PEX14: variants seen among roughly 807,000 people sequenced by gnomAD.
PEX14 encodes peroxisomal biogenesis factor 14.
In PEX14, 15 loss-of-function variants were observed where a neutral mutation model predicts 49.5. The observed-to-expected ratio is 0.30, with a 90% confidence interval of 0.20 to 0.47. PEX14 has a LOEUF of 0.47. Among genes scored for constraint, PEX14 ranks in the 20% least tolerant of loss-of-function variants. The pLI is 1.00. For missense variants in PEX14, 398 were observed against 494.8 expected, an observed-to-expected ratio of 0.80 and a Z score of 1.86; for synonymous variants, 210 against 212.7, an observed-to-expected ratio of 0.99 and a Z score of 0.11.
Position 10,627,274 on chromosome 1 carries a change from C to T in PEX14, c.588C>T (p.Ala196=). The T allele has an allele frequency of 1.2e-6, 2 of 1,612,506 alleles. No individual in the cohort carries two copies. Among genetic ancestry groups the T allele is most frequent in the Non-Finnish European group, 8.5e-7 (1 of 1,178,768 alleles). ...GCCTCCCTGTGCTCTGCTTTCAGGC[C>T]ACCACATCCACCAACTGGATCCTGG... ...ELAHELAAAK[A]TTSTNWILES... is the part of the protein sequence containing the mutation. Residue 196 remains alanine (A), a splice_region_variant and synonymous_variant, in exon 8 of 9, where the codon GCC becomes GCT. Coordinates refer to ENST00000356607, the MANE Select transcript of PEX14 (RefSeq NM_004565.3).
At chr1:10,624,264 C>T (rs558226128) in intron 6 of PEX14, 76 bp from the exon 7 acceptor site, 22 of 923,356 alleles carry the variant, frequency 2.4e-5, no homozygotes, top group Middle Eastern at 4.3e-4. Flanking sequence ...CGGGCAGCTC[C>T]GAGGTGTGCG....
intron 3 of PEX14, 199 bp downstream of exon 3, chr1:10,536,496 T>G: frequency 1.7e-6 from 1 of 601,506 alleles, no homozygotes. Context: ...GATGACACGA[T>G]TCGGGTAATT....
intron 3 of PEX14, among the ~76,000 whole-genome samples, chr1:10,596,643 T>C (rs1640840920): frequency 6.6e-6 from 1 of 152,144 alleles, no homozygotes; most frequent in Non-Finnish European, 1.5e-5. Context: ...TCTCTACAAG[T>C]AGGATGTGGG....
intron 4 of PEX14, among the ~76,000 whole-genome samples, chr1:10,604,543 C>T (rs762554269): frequency 3.9e-5 from 6 of 152,012 alleles, no homozygotes; most frequent in South Asian, 2.1e-4. Context: ...CCCAGGAGAT[C>T]GAGTCTGCAG....
Position 10,623,272 on chromosome 1 carries a change from G to T in PEX14, c.487+151G>T. The T allele has an allele frequency of 1.5e-6, 1 of 663,330 alleles. No individual in the cohort carries two copies. The highest frequency in any genetic ancestry group is 2.8e-6 in the Non-Finnish European group (1 of 359,148). 41.1% of individuals were successfully genotyped at this position (663,330 alleles called of 1,614,324 possible). On this transcript the variant is annotated intron_variant, in intron 6 of 8. Coordinates refer to ENST00000356607, the MANE Select transcript of PEX14 (RefSeq NM_004565.3). This position sits in a 1 kb window ranked among gnomAD's most constrained non-coding sequence, Gnocchi z 4.4. ...GTTCACATTTGCAAATGAAGCCGCC[G>T]TCATTTCGGTTTAATTTGAAATTGC... is the stretch of plus-strand genomic sequence containing the variant.
intron 3 of PEX14, among the ~76,000 whole-genome samples, chr1:10,569,891 A>G (rs1421610579): frequency 2.0e-5 from 3 of 152,030 alleles, no homozygotes; most frequent in Non-Finnish European, 4.4e-5. Flanking sequence ...TCTTTATTCT[A>G]CATATTCTGA....
At chr1:10,487,345 A>G (rs1162880098) in intron 1 of PEX14, among the ~76,000 whole-genome samples, 1 of 139,848 alleles carries the variant, frequency 7.2e-6, no homozygotes, top group South Asian at 2.2e-4. Context: ...TTTTTTTTGT[A>G]TTCTTTGAAA....
At chr1:10,541,914 G>A (rs1031190014) in intron 3 of PEX14, among the ~76,000 whole-genome samples, 1 of 152,168 alleles carries the variant, frequency 6.6e-6, no homozygotes, top group Non-Finnish European at 1.5e-5. Flanking sequence ...ACCCTGCGAT[G>A]GGGAAATAGT....
intron 3 of PEX14, among the ~76,000 whole-genome samples, chr1:10,581,859 C>T (rs1303641293): frequency 6.6e-6 from 1 of 151,150 alleles, no homozygotes; most frequent in Non-Finnish European, 1.5e-5. Context: ...TTATACTGAT[C>T]TAACATTTTG....
At chr1:10,615,942 C>T (rs757379159) in intron 4 of PEX14, among the ~76,000 whole-genome samples, 2 of 152,114 alleles carry the variant, frequency 1.3e-5, no homozygotes, top group South Asian at 2.1e-4. Context: ...CTGTGCTATT[C>T]GATGAGTAAA....
At chr1:10,589,451 G>A (rs887830706) in intron 3 of PEX14, among the ~76,000 whole-genome samples, 1 of 152,182 alleles carries the variant, frequency 6.6e-6, no homozygotes, top group African/African-American at 2.4e-5. Flanking sequence ...AATTCAGAGT[G>A]TAAGTTGAAT....
At chr1:10,590,022 GTA>G (rs1220110752) in intron 3 of PEX14, among the ~76,000 whole-genome samples, 2 of 152,222 alleles carry the variant, frequency 1.3e-5, no homozygotes, top group Non-Finnish European at 2.9e-5. Context: ...GCCCCATGCT[GTA>G]TAGAGAGTAG....
chr1:10,516,879 C>G (rs1641978690), intron 2 of PEX14: 1 of 152,254 alleles, frequency 6.6e-6, no homozygotes. Flanking sequence ...GGGATGTGCT[C>G]AGATTCTTCT....
At chr1:10,504,659 C>T (rs1017361525) in intron 2 of PEX14, among the ~76,000 whole-genome samples, 1 of 152,142 alleles carries the variant, frequency 6.6e-6, no homozygotes, top group Non-Finnish European at 1.5e-5. Context: ...TTTTTGCAGC[C>T]GTATGGTAGC....
At chr1:10,566,655 A>T (rs920706122) in intron 3 of PEX14, among the ~76,000 whole-genome samples, 3 of 151,796 alleles carry the variant, frequency 2.0e-5, no homozygotes, top group Non-Finnish European at 4.4e-5. Flanking sequence ...TGCCTGGCTA[A>T]TTTTTTTGTT....
At chr1:10,475,423 C>T (rs1398046892) in intron 1 of PEX14, among the ~76,000 whole-genome samples, 1 of 152,206 alleles carries the variant, frequency 6.6e-6, no homozygotes, top group South Asian at 2.1e-4. Context: ...TCCCTCACGG[C>T]CTCAGCCTCC....
At position 10,529,895 on chromosome 1, in the gene PEX14, A is replaced by G. The variant is rs981415024; in HGVS notation, c.85-6318A>G. 2.0e-5 allele frequency among the ~76,000 whole-genome samples: 3 copies of G among 152,236 alleles called. No individual in the cohort carries two copies. The highest frequency in any genetic ancestry group is 7.2e-5 in the African/African-American group (3 of 41,460). On this transcript the variant is annotated intron_variant, in intron 2 of 8. Coordinates refer to ENST00000356607, the MANE Select transcript of PEX14 (RefSeq NM_004565.3). This position sits in a 1 kb window ranked among gnomAD's most constrained non-coding sequence, Gnocchi z 4.2. Reference sequence around the variant, plus strand: ...TTAATTAGTATAGTGTTGTAACCCAAATCAACAATGGGAAGGACACAGTGA... The same window carrying G: ...TTAATTAGTATAGTGTTGTAACCCAGATCAACAATGGGAAGGACACAGTGA...
chr1:10,511,648 G>A lies in PEX14; in HGVS notation c.84+16327G>A, dbSNP rs140498817. 3.8e-4 allele frequency among the ~76,000 whole-genome samples: 58 copies of A among 152,186 alleles called. 1 individual carries two copies. The East Asian group carries it at 9.5e-3, about 25-fold the overall frequency. The stretch of plus-strand genomic sequence containing the variant: ...AATTTATGACTTCTGTGGATTGTGG[G>A]GCCTCTGACTTCCATAGACCGTGGG... On this transcript the variant is annotated intron_variant, in intron 2 of 8. Transcript: ENST00000356607.
intron 3 of PEX14, among the ~76,000 whole-genome samples, chr1:10,573,820 G>A (rs1337357214): frequency 6.6e-6 from 1 of 152,210 alleles, no homozygotes; most frequent in African/African-American, 2.4e-5. Context: ...AACAGCCAAG[G>A]CTGGGTGCGG....
Sources: gnomAD v4.1 joint callset for allele counts (sites outside exome capture counted in the v4.1 genomes callset) on GRCh38, gnomAD v4.1.1 for gene constraint, Gnocchi (gnomAD v3.1) non-coding constraint, MANE v1.5 for transcripts, NCBI Gene and HGNC (gene_info 2026-07-23, HGNC 2026-07-21) for gene names.